Variants in FMNL2 observed in about 807,000 individuals in gnomAD.
FMNL2 encodes formin like 2, also known as formin-like protein 2.
Under a neutral mutation model 130.2 loss-of-function variants are expected in FMNL2, and 51 were observed. That is an observed-to-expected ratio of 0.39 (90% CI 0.31 to 0.49). FMNL2 has a LOEUF of 0.49. Ranked by LOEUF, FMNL2 falls within the 20% of genes least tolerant of loss-of-function variation. FMNL2 has a pLI of 0.85. For synonymous variants in FMNL2, 465 were observed against 467.1 expected (o/e 1.00, Z 0.06); for missense variants, 977 against 1,316.2 (o/e 0.74, Z 3.99).
chr2:152,609,346 C>G, intron 10 of FMNL2, among the ~76,000 whole-genome samples: 1 of 152,288 alleles, frequency 6.6e-6, no homozygotes, highest in East Asian at 1.9e-4. Flanking sequence ...TGGAAAGATG[C>G]CAGAATCTAA....
intron 4 of FMNL2, among the ~76,000 whole-genome samples, chr2:152,555,991 C>A (rs1458434064): frequency 6.6e-6 from 1 of 152,192 alleles, no homozygotes; most frequent in Non-Finnish European, 1.5e-5. Context: ...ATTCCAGTTA[C>A]TGCTTTGAAA....
In FMNL2 at chr2:152,350,124, C is replaced by T. The variant is rs570652077; in HGVS notation, c.117+14404C>T. Among the ~76,000 whole-genome samples the T allele has an allele frequency of 3.9e-5, 6 of 152,276 alleles. No homozygotes were observed. In the East Asian group the frequency reaches 1.2e-3, roughly 29 times the overall value. On this transcript the variant is annotated intron_variant, in intron 1 of 25. Transcript: ENST00000288670. Reference sequence around the variant, plus strand: ...TAAAATGGGATATGTGAAGTGGTGTCATCCCGATAAGGTCTGAGTGAGGAG... The same window carrying T: ...TAAAATGGGATATGTGAAGTGGTGTTATCCCGATAAGGTCTGAGTGAGGAG...
chr2:152,390,584 G>T, intron 1 of FMNL2: 1 of 1,348,646 alleles, frequency 7.4e-7, no homozygotes, highest in Non-Finnish European at 1.1e-6. Flanking sequence ...TTCTGAAGAA[G>T]TTCATGGATC....
At chr2:152,607,255 C>A in intron 9 of FMNL2, 84 bp from the exon 10 acceptor site, 3 of 1,098,764 alleles carry the variant, frequency 2.7e-6, no homozygotes, top group South Asian at 1.3e-5. Flanking sequence ...TTCTGGAAAT[C>A]ATTATTAAGC....
At chr2:152,352,914 C>A (rs1156557566) in intron 1 of FMNL2, among the ~76,000 whole-genome samples, 2 of 151,928 alleles carry the variant, frequency 1.3e-5, no homozygotes, top group Non-Finnish European at 2.9e-5. Flanking sequence ...AGAAGAACAA[C>A]CATTATTATA....
At chr2:152,591,765 C>T (rs143896863) in intron 9 of FMNL2, among the ~76,000 whole-genome samples, 3 of 152,158 alleles carry the variant, frequency 2.0e-5, no homozygotes, top group Admixed American at 6.5e-5. Flanking sequence ...GTGATCACAC[C>T]GCTGCACTCC....
intron 1 of FMNL2, among the ~76,000 whole-genome samples, chr2:152,368,438 T>C (rs1332476433): frequency 1.3e-5 from 2 of 150,242 alleles, no homozygotes; most frequent in East Asian, 3.8e-4. Context: ...CTAGGGGCAT[T>C]TGGCTAAATT....
intron 12 of FMNL2, among the ~76,000 whole-genome samples, chr2:152,615,366 T>C (rs1459512938): frequency 6.6e-6 from 1 of 152,220 alleles, no homozygotes; most frequent in Admixed American, 6.5e-5. Flanking sequence ...GGTATCTTCT[T>C]ATCAACTATG....
intron 2 of FMNL2, among the ~76,000 whole-genome samples, chr2:152,522,972 T>A (rs754433023): frequency 2.0e-5 from 3 of 152,164 alleles, no homozygotes; most frequent in Non-Finnish European, 2.9e-5. Context: ...TGTGGGGTGG[T>A]GTTGATATCC....
At chr2:152,504,670 A>G (rs550836198) in intron 1 of FMNL2, among the ~76,000 whole-genome samples, 2 of 152,188 alleles carry the variant, frequency 1.3e-5, no homozygotes, top group African/African-American at 4.8e-5. Flanking sequence ...TACTGAATGT[A>G]AGCTTCTATC....
chr2:152,635,722 C>G (rs898027171), intron 21 of FMNL2, among the ~76,000 whole-genome samples: 2 of 152,144 alleles, frequency 1.3e-5, no homozygotes, highest in Admixed American at 6.5e-5. Context: ...AGTGCCTGCC[C>G]CGGGAGGGGC....
intron 6 of FMNL2, among the ~76,000 whole-genome samples, chr2:152,563,027 C>T (rs145500819): frequency 3.2e-4 from 48 of 152,198 alleles, no homozygotes; most frequent in African/African-American, 1.1e-3. Context: ...GCAGAAGAAT[C>T]GGGAAAATCT....
chr2:152,607,312 C>T (rs778449484), intron 9 of FMNL2, 27 bp from the exon 10 acceptor site: 1 of 1,599,922 alleles, frequency 6.3e-7, no homozygotes, highest in Non-Finnish European at 8.6e-7. Flanking sequence ...TAGAAAGTCA[C>T]ATGCACAATG....
chr2:152,567,151 A>C (rs1414204993), intron 6 of FMNL2, among the ~76,000 whole-genome samples: 1 of 152,218 alleles, frequency 6.6e-6, no homozygotes, highest in South Asian at 2.1e-4. Context: ...TTCCTTGGAC[A>C]CATTTCACAT....
At chr2:152,614,421 G>A (rs1350924765) in intron 11 of FMNL2, among the ~76,000 whole-genome samples, 1 of 152,182 alleles carries the variant, frequency 6.6e-6, no homozygotes, top group African/African-American at 2.4e-5. Context: ...AAGCTCTCTT[G>A]GAAAGGGCTG....
intron 1 of FMNL2, among the ~76,000 whole-genome samples, chr2:152,503,305 T>C (rs1691956065): frequency 6.6e-6 from 1 of 150,840 alleles, no homozygotes; most frequent in African/African-American, 2.4e-5. Context: ...GCTATAGGAG[T>C]GAAGTAGGGG....
chr2:152,607,001 T>G (rs1580081464), intron 9 of FMNL2, among the ~76,000 whole-genome samples: 2 of 131,334 alleles, frequency 1.5e-5, no homozygotes, highest in South Asian at 5.0e-4. Context: ...TCGTTTTTTT[T>G]TTTTGTTTTT....
intron 22 of FMNL2, 35 bp from the exon 23 acceptor site, chr2:152,637,538 C>G: frequency 6.4e-7 from 1 of 1,558,552 alleles, no homozygotes; most frequent in Admixed American, 1.7e-5. Flanking sequence ...AAATGCCTAA[C>G]TAATGAAACT....
At chr2:152,514,755 G>A (rs1259005110) in intron 1 of FMNL2, among the ~76,000 whole-genome samples, 1 of 152,122 alleles carries the variant, frequency 6.6e-6, no homozygotes, top group South Asian at 2.1e-4. Flanking sequence ...ATGTGAATGT[G>A]TTCTCTCTCT....
Sources: gnomAD v4.1 joint callset for allele counts (sites outside exome capture counted in the v4.1 genomes callset) on GRCh38, gnomAD v4.1.1 for gene constraint, MANE v1.5 for transcripts, NCBI Gene and HGNC (gene_info 2026-07-23, HGNC 2026-07-21) for gene names.